The following EDA variants were observed in gnomAD, a reference collection of about 807,000 sequenced individuals.
EDA encodes ectodysplasin-A.
EDA carries 2 observed loss-of-function variants against 23.6 expected under a neutral mutation model. That is an observed-to-expected ratio of 0.08 (90% CI 0.03 to 0.27). EDA has a LOEUF of 0.27. Among genes scored for constraint, EDA ranks in the 10% least tolerant of loss-of-function variants. The probability of loss-of-function intolerance (pLI) is 1.00; values close to 1 mark genes in which losing one functional copy is unlikely to be tolerated. For missense variants in EDA, 229 were observed against 324.2 expected (o/e 0.71, Z 2.26); for synonymous variants, 131 against 132.0 (o/e 0.99, Z 0.05).
At chrX:69,861,016 A>G in intron 1 of EDA, 2 of 497,829 alleles carry the variant, frequency 4.0e-6, no homozygotes, top group Non-Finnish European at 7.3e-6. Context: ...ATGAACATTT[A>G]TATCCACTGA....
chrX:69,826,260 C>T (rs5936505), intron 1 of EDA, among the ~76,000 whole-genome samples: 46,784 of 109,406 alleles, frequency 0.43, 7,993 homozygotes, highest in East Asian at 0.72. Flanking sequence ...TCCTTGTTAA[C>T]CTTCTGTCTT....
At chrX:69,879,074 C>T (rs1462291791) in intron 1 of EDA, among the ~76,000 whole-genome samples, 1 of 110,466 alleles carries the variant, frequency 9.1e-6, no homozygotes, top group South Asian at 4.0e-4. Flanking sequence ...TTTGATTCCG[C>T]GCCGCCCCCT....
intron 1 of EDA, among the ~76,000 whole-genome samples, chrX:69,746,661 G>C (rs1381014485): frequency 9.0e-6 from 1 of 111,279 alleles, no homozygotes; most frequent in Non-Finnish European, 1.9e-5. Flanking sequence ...GAGAAATCTT[G>C]ACTCCTGCAA....
chrX:69,782,752 A>G (rs963783769), intron 1 of EDA, among the ~76,000 whole-genome samples: 1 of 112,122 alleles, frequency 8.9e-6, no homozygotes, highest in Non-Finnish European at 1.9e-5. Flanking sequence ...CTTTGAAGCC[A>G]ACCAAGGACT....
chrX:69,706,956 TG>T (rs1237397002), intron 1 of EDA, among the ~76,000 whole-genome samples: 2 of 111,392 alleles, frequency 1.8e-5, no homozygotes, highest in African/African-American at 3.3e-5. Flanking sequence ...TTCAGGTGGT[TG>T]GGGGGTACCT....
At position 69,616,330 on chromosome X, in the gene EDA, C is replaced by A. The variant is rs1931927058; in HGVS notation, c.22C>A (p.Arg8Ser). 7 of 1,200,173 alleles carry A rather than the reference C, an allele frequency of 5.8e-6. No homozygotes were observed. Among genetic ancestry groups the A allele is most frequent in the East Asian group, 3.0e-5 (1 of 33,661 alleles). The change falls in exon 1 of 8, where the codon CGC becomes AGC. Residue 8 changes from arginine to serine, a missense_variant. Physicochemically the swap from Arg to Ser is moderately radical, Grantham distance 110 (BLOSUM62 -1). Coordinates refer to ENST00000374552, the MANE Select transcript of EDA (RefSeq NM_001399.5). ...GGCCATGGGCTACCCGGAGGTGGAG[C>A]GCAGGGAACTCCTGCCTGCAGCAGC... is the stretch of plus-strand genomic sequence containing the variant. Reference protein sequence around the residue: MGYPEVERRELLPAAAPR... With the variant: MGYPEVESRELLPAAAPR...
At chrX:70,022,222 T>C (rs1196584848) in intron 2 of EDA, among the ~76,000 whole-genome samples, 1 of 111,994 alleles carries the variant, frequency 8.9e-6, no homozygotes, top group African/African-American at 3.2e-5. Flanking sequence ...GTTTTCTAAG[T>C]ACCTTCAATT....
At chrX:69,782,366 T>TAAAAAAA (rs751293381) in intron 1 of EDA, among the ~76,000 whole-genome samples, 17 of 65,453 alleles carry the variant, frequency 2.6e-4, no homozygotes, top group African/African-American at 1.2e-3. Context: ...TAAATGCTCT[T>TAAAAAAA]AAAAAAAAAA....
chrX:69,781,686 G>A (rs2804361), intron 1 of EDA, among the ~76,000 whole-genome samples: 5 of 109,795 alleles, frequency 4.6e-5, no homozygotes, highest in African/African-American at 1.6e-4. Context: ...ATGACTTTCC[G>A]AAGTGGCCTC....
At position 69,653,482 on chromosome X, in the gene EDA, G is replaced by A. The variant is rs376080259; in HGVS notation, c.396+36778G>A. Among the ~76,000 whole-genome samples, 3 of 110,865 alleles carry A rather than the reference G, an allele frequency of 2.7e-5. No homozygotes were observed. In the Admixed American group the frequency reaches 2.9e-4, roughly 11 times the overall value. ...TACCCTTTATTTCCTTCTCCTGCCT[G>A]ATTGCCCTGGCCAGAACTTCCAACA... On this transcript the variant is annotated intron_variant, in intron 1 of 7. Transcript: ENST00000374552.
At chrX:70,001,039 G>A (rs1165602733) in intron 2 of EDA, among the ~76,000 whole-genome samples, 1 of 111,806 alleles carries the variant, frequency 8.9e-6, no homozygotes, top group South Asian at 3.8e-4. Context: ...AAATATTAAA[G>A]GCAAGATAAA....
At chrX:69,696,732 G>A (rs1296345005) in intron 1 of EDA, among the ~76,000 whole-genome samples, 2 of 112,042 alleles carry the variant, frequency 1.8e-5, no homozygotes, top group African/African-American at 6.5e-5. Flanking sequence ...AACATTTTAT[G>A]AATATGCATT....
chrX:69,826,300 A>C (rs371652949), intron 1 of EDA, among the ~76,000 whole-genome samples: 1 of 110,238 alleles, frequency 9.1e-6, no homozygotes, highest in East Asian at 2.9e-4. Context: ...ACAGTGGGGT[A>C]TTAAAGTCTC....
At chrX:69,855,552 C>T (rs771265274) in intron 1 of EDA, among the ~76,000 whole-genome samples, 1 of 112,011 alleles carries the variant, frequency 8.9e-6, no homozygotes, top group African/African-American at 3.2e-5. Context: ...GTATTCCCAG[C>T]ACCATTTATT....
intron 1 of EDA, among the ~76,000 whole-genome samples, chrX:69,731,330 A>G (rs2013016858): frequency 8.9e-6 from 1 of 112,125 alleles, no homozygotes; most frequent in Non-Finnish European, 1.9e-5. Flanking sequence ...ACACTTCTCA[A>G]TTTAAAACAA....
chrX:69,792,422 A>G (rs182002259), intron 1 of EDA, among the ~76,000 whole-genome samples: 1,562 of 112,168 alleles, frequency 0.014, 10 homozygotes, highest in Middle Eastern at 0.032. Flanking sequence ...TTGTGCCACT[A>G]TAAATATGGA....
intron 1 of EDA, among the ~76,000 whole-genome samples, chrX:69,822,658 G>C (rs2016260640): frequency 9.0e-6 from 1 of 111,430 alleles, no homozygotes; most frequent in African/African-American, 3.3e-5. Flanking sequence ...GACTAAATAA[G>C]TTCTAACATC....
chrX:69,753,508 A>G (rs756652500), intron 1 of EDA, among the ~76,000 whole-genome samples: 4 of 111,831 alleles, frequency 3.6e-5, no homozygotes, highest in South Asian at 7.4e-4. Context: ...TATGTGGTCA[A>G]TTTTGGAATA....
At chrX:69,925,783 CT>C (rs147114575) in intron 1 of EDA, among the ~76,000 whole-genome samples, 1,978 of 82,547 alleles carry the variant, frequency 0.024, 51 homozygotes, top group African/African-American at 0.083. Context: ...TGGTCCTGGG[CT>C]TTTTTTTTTT....
Sources: allele counts gnomAD v4.1 joint callset (sites outside exome capture counted in the v4.1 genomes callset), GRCh38; gene constraint gnomAD v4.1.1; transcripts MANE v1.5; gene names NCBI Gene and HGNC (gene_info 2026-07-23, HGNC 2026-07-21).